The following ARHGAP24 variants were observed in gnomAD, a reference collection of about 807,000 sequenced individuals.
ARHGAP24 encodes Rho GTPase activating protein 24, also known as rho GTPase-activating protein 24.
A neutral mutation model predicts 76.4 loss-of-function variants in ARHGAP24; 50 were observed. The observed-to-expected ratio is 0.65, with a 90% CI of 0.52 to 0.83. ARHGAP24 has a LOEUF of 0.83. Ranked by LOEUF, ARHGAP24 falls within the 40% of genes least tolerant of loss-of-function variation. ARHGAP24 has a pLI of 0.00. For synonymous variants in ARHGAP24, 345 were observed against 323.3 expected (o/e 1.07, Z -0.72); for missense variants, 930 against 914.2 (o/e 1.02, Z -0.22).
chr4:85,952,976 A>G (rs1737706588), intron 5 of ARHGAP24, among the ~76,000 whole-genome samples: 1 of 152,222 alleles, frequency 6.6e-6, no homozygotes, highest in Non-Finnish European at 1.5e-5. Flanking sequence ...GTAAAATCAA[A>G]TTAGATATTG....
At chr4:85,596,017 G>A (rs891406172) in intron 2 of ARHGAP24, among the ~76,000 whole-genome samples, 12 of 151,800 alleles carry the variant, frequency 7.9e-5, no homozygotes, top group Admixed American at 4.0e-4. Flanking sequence ...ATGTAGATAC[G>A]TTCATCAGGG....
intron 1 of ARHGAP24, among the ~76,000 whole-genome samples, chr4:85,522,835 C>A (rs899864145): frequency 7.9e-5 from 12 of 152,162 alleles, no homozygotes; most frequent in African/African-American, 2.9e-4. Flanking sequence ...GTGAACTATA[C>A]GATAACATGA....
intron 2 of ARHGAP24, among the ~76,000 whole-genome samples, chr4:85,578,949 T>A (rs1431106096): frequency 1.3e-5 from 2 of 152,224 alleles, no homozygotes; most frequent in African/African-American, 2.4e-5. Context: ...TGTTTTCACT[T>A]GTCACCTATG....
chr4:85,775,195 C>T (rs1727269958), intron 3 of ARHGAP24, among the ~76,000 whole-genome samples: 1 of 145,368 alleles, frequency 6.9e-6, no homozygotes, highest in South Asian at 2.4e-4. Context: ...CCAGAGTGGT[C>T]GGGAAATCTT....
At chr4:85,645,097 G>T (rs1035351686) in intron 2 of ARHGAP24, among the ~76,000 whole-genome samples, 1 of 152,050 alleles carries the variant, frequency 6.6e-6, no homozygotes, top group Non-Finnish European at 1.5e-5. Flanking sequence ...ATAATCAGTG[G>T]ACATCTGTTC....
chr4:85,773,708 AAT>A (rs1286329920), intron 3 of ARHGAP24, among the ~76,000 whole-genome samples: 2 of 152,178 alleles, frequency 1.3e-5, no homozygotes, highest in Non-Finnish European at 2.9e-5. Context: ...GGGCTCAACA[AAT>A]ATAGGCACGT....
intron 1 of ARHGAP24, among the ~76,000 whole-genome samples, chr4:85,487,352 T>TATATATAA (rs1013996274): frequency 9.0e-6 from 1 of 110,614 alleles, no homozygotes; most frequent in Non-Finnish European, 1.7e-5. Context: ...ACATTTATAA[T>TATATATAA]ATATATAAAT....
intron 2 of ARHGAP24, among the ~76,000 whole-genome samples, chr4:85,590,316 C>A (rs776129387): frequency 8.1e-5 from 12 of 147,270 alleles, no homozygotes; most frequent in Non-Finnish European, 1.4e-4. Context: ...CCTTCCTTTC[C>A]TTTTTTTCTC....
intron 1 of ARHGAP24, among the ~76,000 whole-genome samples, chr4:85,557,733 A>G (rs147779743): frequency 1.3e-5 from 2 of 152,322 alleles, no homozygotes; most frequent in African/African-American, 4.8e-5. Context: ...GCCTCCATGT[A>G]GAAATATTTC....
rs561251260 is a variant in ARHGAP24 at position 85,663,721 on chromosome 4, A to G, written c.181-58164A>G. On this transcript the variant is annotated intron_variant, in intron 2 of 9. Coordinates refer to ENST00000395184, the MANE Select transcript of ARHGAP24 (RefSeq NM_001025616.3). ...AATATCTAATTTATTGAGAGTTTTT[A>G]GCATGAAGGGTTGTTGAATTTTGTC... Among the ~76,000 whole-genome samples the G allele has an allele frequency of 8.1e-4, 123 of 151,822 alleles. 1 individual carries two copies. The highest frequency in any genetic ancestry group is 6.8e-3 in the Middle Eastern group (2 of 294).
At chr4:85,902,501 T>C (rs561671716) in intron 3 of ARHGAP24, among the ~76,000 whole-genome samples, 1 of 152,342 alleles carries the variant, frequency 6.6e-6, no homozygotes, top group East Asian at 1.9e-4. Context: ...TGACCACTCA[T>C]ATTTAAGGTT....
At chr4:85,574,818 A>T (rs1207044712) in intron 2 of ARHGAP24, among the ~76,000 whole-genome samples, 1 of 152,232 alleles carries the variant, frequency 6.6e-6, no homozygotes. Flanking sequence ...TGCATTATGT[A>T]CTTAAATATT....
At chr4:85,757,368 C>T (rs1019752844) in intron 3 of ARHGAP24, among the ~76,000 whole-genome samples, 1 of 151,808 alleles carries the variant, frequency 6.6e-6, no homozygotes, top group South Asian at 2.1e-4. Context: ...CCTCCCCTCT[C>T]CCGCAACCCC....
chr4:85,870,486 T>C (rs575434066), intron 3 of ARHGAP24, among the ~76,000 whole-genome samples: 3 of 152,182 alleles, frequency 2.0e-5, no homozygotes, highest in Non-Finnish European at 4.4e-5. Context: ...GATTTGTGTA[T>C]CTGGCTGTGT....
chr4:85,504,222 G>A (rs1165431036), intron 1 of ARHGAP24, among the ~76,000 whole-genome samples: 2 of 152,222 alleles, frequency 1.3e-5, no homozygotes, highest in Non-Finnish European at 2.9e-5. Flanking sequence ...TTCTGTAGAT[G>A]TCTATTAGGT....
intron 9 of ARHGAP24, 37 bp from the exon 10 acceptor site, chr4:86,000,442 C>A: frequency 1.2e-6 from 1 of 807,892 alleles, no homozygotes; most frequent in African/African-American, 1.7e-5. Flanking sequence ...CTTACTCTTG[C>A]GTCCCCACCC....
intron 3 of ARHGAP24, among the ~76,000 whole-genome samples, chr4:85,880,775 C>A (rs1225277057): frequency 6.6e-6 from 1 of 152,100 alleles, no homozygotes; most frequent in Non-Finnish European, 1.5e-5. Context: ...GTGATCCGCC[C>A]GCCTCGGCCT....
At chr4:85,531,507 T>C (rs568356598) in intron 1 of ARHGAP24, among the ~76,000 whole-genome samples, 1 of 152,166 alleles carries the variant, frequency 6.6e-6, no homozygotes, top group South Asian at 2.1e-4. Flanking sequence ...CATTCTGACT[T>C]AAGGCTGATC....
rs574325646 is a variant in ARHGAP24, at chr4:85,570,649, G to C, written c.108G>C (p.Trp36Cys). The stretch of plus-strand genomic sequence containing the variant: ...AGCAAGGAGGCTTTGTCAAGACTTG[G>C]CATACTCGCTGGTTTGTGCTCAAGG... ...LRKQGGFVKT[W>C]HTRWFVLKGD... Residue 36 changes from tryptophan to cysteine, a missense_variant, in exon 2 of 10, where the codon TGG (tryptophan) becomes TGC (cysteine). Transcript: ENST00000395184. The C allele has an allele frequency of 7.0e-5, 113 of 1,614,056 alleles. 1 individual carries two copies. In the South Asian group the frequency reaches 1.2e-3, roughly 17 times the overall value.
Sources: gnomAD v4.1 joint callset for allele counts (sites outside exome capture counted in the v4.1 genomes callset) on GRCh38, gnomAD v4.1.1 for gene constraint, MANE v1.5 for transcripts, NCBI Gene and HGNC (gene_info 2026-07-23, HGNC 2026-07-21) for gene names.